RHEB: variants seen among roughly 807,000 people sequenced by gnomAD.
RHEB encodes the protein Ras homolog, mTORC1 binding, also known as GTP-binding protein Rheb.
A neutral mutation model predicts 28.8 loss-of-function variants in RHEB; 2 were observed. The observed-to-expected ratio is 0.07, with a 90% CI of 0.03 to 0.22. The LOEUF (loss-of-function observed/expected upper bound fraction) is 0.22. Ranked by LOEUF, RHEB falls within the 10% of genes least tolerant of loss-of-function variation. The pLI is 1.00. For synonymous variants in RHEB, 69 were observed against 77.3 expected, an observed-to-expected ratio of 0.89 and a Z score of 0.56; for missense variants, 76 against 219.9, an observed-to-expected ratio of 0.35 and a Z score of 4.14.
chr7:151,496,368 C>T (rs1445734211), intron 1 of RHEB, among the ~76,000 whole-genome samples: 3 of 152,166 alleles, frequency 2.0e-5, no homozygotes, highest in African/African-American at 4.8e-5. Context: ...CTTTCTGATT[C>T]TCATCATCTA....
intron 3 of RHEB, among the ~76,000 whole-genome samples, chr7:151,480,999 T>C (rs750535708): frequency 1.3e-5 from 2 of 152,024 alleles, no homozygotes; most frequent in Non-Finnish European, 1.5e-5. Flanking sequence ...ATGCCGGAGG[T>C]TGCAAAATTT....
At chr7:151,480,213 G>A (rs1209145801) in intron 3 of RHEB, among the ~76,000 whole-genome samples, 1 of 152,112 alleles carries the variant, frequency 6.6e-6, no homozygotes, top group Admixed American at 6.5e-5. Flanking sequence ...CGTCCGGGAT[G>A]TTCATTAAGG....
At chr7:151,516,396 A>C (rs1803078846) in intron 1 of RHEB, among the ~76,000 whole-genome samples, 2 of 152,124 alleles carry the variant, frequency 1.3e-5, no homozygotes, top group South Asian at 4.2e-4. Context: ...AGGCCGAGGC[A>C]GGTGGATCAC....
intron 1 of RHEB, among the ~76,000 whole-genome samples, chr7:151,510,246 T>C (rs1293768579): frequency 1.3e-5 from 2 of 152,188 alleles, no homozygotes; most frequent in East Asian, 1.9e-4. Context: ...CTGCCTTTGA[T>C]TATTTCTCTC....
chr7:151,486,317 C>T (rs933967098), intron 2 of RHEB, among the ~76,000 whole-genome samples: 3 of 152,198 alleles, frequency 2.0e-5, no homozygotes, highest in Non-Finnish European at 4.4e-5. Flanking sequence ...ATCATTCATT[C>T]ATTCATTCAT....
At chr7:151,500,559 A>G (rs1563098848) in intron 1 of RHEB, among the ~76,000 whole-genome samples, 2 of 152,168 alleles carry the variant, frequency 1.3e-5, no homozygotes, top group South Asian at 2.1e-4. Flanking sequence ...GAAAAAATAA[A>G]AGAGAGGCTG....
rs1391772523 is a variant in RHEB at position 151,472,394 on chromosome 7, T to G, written c.276-789A>C. 1.3e-5 allele frequency among the ~76,000 whole-genome samples: 2 copies of G among 152,186 alleles called. No homozygotes were observed. The highest frequency in any genetic ancestry group is 6.5e-5 in the Admixed American group (1 of 15,276). On this transcript the variant is annotated intron_variant, in intron 4 of 7. Coordinates refer to ENST00000262187, the MANE Select transcript of RHEB (RefSeq NM_005614.4). This position sits in a 1 kb window ranked among gnomAD's most constrained non-coding sequence, Gnocchi z 5.2. ...AACCAGAGGACTCTGCTGCAGCAGA[T>G]GGACGGTGCCTGGTTCAACATCCTC...
At chr7:151,481,870 G>A (rs1390288489) in intron 3 of RHEB, among the ~76,000 whole-genome samples, 2 of 152,086 alleles carry the variant, frequency 1.3e-5, no homozygotes, top group African/African-American at 4.8e-5. Context: ...CTAAACACTG[G>A]TGCTTTTGGT....
Position 151,502,735 on chromosome 7 carries a change from T to C in RHEB, c.53-11721A>G, listed in dbSNP as rs546969226. On this transcript the variant is annotated intron_variant, in intron 1 of 7. Coordinates refer to ENST00000262187, the MANE Select transcript of RHEB (RefSeq NM_005614.4). ...CCCAAAGAAACACAGTAGAGGCGTTTTGCCCGTTTAAAAATGGAAAAGCGA... is the reference window on the plus strand; with the variant it reads ...CCCAAAGAAACACAGTAGAGGCGTTCTGCCCGTTTAAAAATGGAAAAGCGA... 4.4e-6 allele frequency: 7 copies of C among 1,583,150 alleles called. No individual in the cohort carries two copies. The East Asian group carries it at 8.9e-5, about 20-fold the overall frequency.
chr7:151,503,008 G>T (rs1412899900), intron 1 of RHEB: 12 of 782,540 alleles, frequency 1.5e-5, no homozygotes, highest in South Asian at 2.7e-5. Flanking sequence ...TTCAAGAAAA[G>T]AAATCAATAG....
chr7:151,475,098 T>C (rs906854512), intron 4 of RHEB, among the ~76,000 whole-genome samples: 5 of 152,236 alleles, frequency 3.3e-5, no homozygotes, highest in African/African-American at 1.2e-4. Context: ...ACCAAGCTTT[T>C]TGTCCTCTGC....
rs933377450 is a variant in RHEB, at chr7:151,468,987, T to G, written c.462+1584A>C. 1.3e-5 allele frequency among the ~76,000 whole-genome samples: 2 copies of G among 152,254 alleles called. No homozygotes were observed. Among genetic ancestry groups the G allele is most frequent in the African/African-American group, 4.8e-5 (2 of 41,468 alleles). ...CACTTCTAAAATGAGGCGGTTTAAC[T>G]ACATGATCTGAAGGATACAGTCCAT... On this transcript the variant is annotated intron_variant, in intron 7 of 7. Transcript: ENST00000262187. This position sits in a 1 kb window ranked among gnomAD's most constrained non-coding sequence, Gnocchi z 4.3.
intron 1 of RHEB, among the ~76,000 whole-genome samples, chr7:151,512,212 G>C (rs1205249110): frequency 6.6e-6 from 1 of 152,172 alleles, no homozygotes; most frequent in Non-Finnish European, 1.5e-5. Context: ...GAACAATCCA[G>C]CCATGGACAC....
intron 1 of RHEB, among the ~76,000 whole-genome samples, chr7:151,511,740 G>C (rs2299970): frequency 6.6e-6 from 1 of 150,860 alleles, no homozygotes; most frequent in Non-Finnish European, 1.5e-5. Flanking sequence ...CTCCCCCTTC[G>C]GGTTCAAGTG....
rs1036565795 is a variant in RHEB, at chr7:151,466,781, A to G, written c.*338T>C. 7.9e-5 allele frequency: 17 copies of G among 215,432 alleles called. No homozygotes were observed. Among genetic ancestry groups the G allele is most frequent in the Non-Finnish European group, 1.3e-4 (14 of 108,216 alleles). The allele number at this position is 215,432 out of a possible 1,614,324, so 13.3% of individuals were successfully genotyped here. ...AATAAACACTGATATACTGAAGCCT[A>G]GTTAATAGTAGTGTAACAATATGCA... On this transcript the variant is annotated 3_prime_UTR_variant, in exon 8 of 8. Transcript: ENST00000262187.
intron 1 of RHEB, among the ~76,000 whole-genome samples, chr7:151,515,853 A>C (rs574215402): frequency 6.6e-6 from 1 of 152,266 alleles, no homozygotes; most frequent in African/African-American, 2.4e-5. Context: ...AAGCTGTTTC[A>C]TTTTCCCCCT....
chr7:151,495,430 A>C (rs940421644), intron 1 of RHEB, among the ~76,000 whole-genome samples: 3 of 152,240 alleles, frequency 2.0e-5, no homozygotes, highest in African/African-American at 7.2e-5. Flanking sequence ...AAATTATTTT[A>C]AAAAATTCTT....
intron 4 of RHEB, among the ~76,000 whole-genome samples, chr7:151,474,574 A>G (rs115555598): frequency 0.016 from 2,464 of 152,314 alleles, 56 homozygotes; most frequent in African/African-American, 0.052. Context: ...CGACAAAGGT[A>G]CGGTGAAGTA....
chr7:151,498,553 G>A (rs983995167), intron 1 of RHEB, among the ~76,000 whole-genome samples: 1 of 152,040 alleles, frequency 6.6e-6, no homozygotes, highest in Admixed American at 6.6e-5. Context: ...CTTGAGCCCG[G>A]GAGGTCAAAG....
Sources: gnomAD v4.1 joint callset for allele counts (sites outside exome capture counted in the v4.1 genomes callset) on GRCh38, gnomAD v4.1.1 for gene constraint, Gnocchi (gnomAD v3.1) non-coding constraint, MANE v1.5 for transcripts, NCBI Gene and HGNC (gene_info 2026-07-23, HGNC 2026-07-21) for gene names.